Variants in TMEFF2 observed in about 807,000 individuals in gnomAD.
TMEFF2 encodes the protein tomoregulin-2.
TMEFF2 carries 28 observed loss-of-function variants against 53.8 expected under a neutral mutation model. The ratio of observed to expected loss-of-function variants is 0.52; its 90% CI spans 0.39 to 0.71. TMEFF2 has a LOEUF of 0.71. TMEFF2 is among the 30% of genes least tolerant of loss of function. The pLI, the probability that TMEFF2 is intolerant of heterozygous loss-of-function variation, is 0.00. For synonymous variants in TMEFF2, 162 were observed against 166.3 expected (o/e 0.97, Z 0.20); for missense variants, 353 against 455.2 (o/e 0.78, Z 2.04).
At chr2:192,168,337 C>T (rs183967937) in intron 4 of TMEFF2, among the ~76,000 whole-genome samples, 2 of 151,924 alleles carry the variant, frequency 1.3e-5, no homozygotes, top group African/African-American at 4.8e-5. Context: ...CTGCCACCCA[C>T]CCCCCACAAC....
rs11451195 is a variant in TMEFF2, at chr2:191,986,556, C to CTT, written c.745+11704_745+11705dup. Among the ~76,000 whole-genome samples the CTT allele has an allele frequency of 6.4e-3, 921 of 142,852 alleles. 5 individuals are homozygous for CTT. The highest frequency in any genetic ancestry group is 0.016 in the African/African-American group (638 of 38,898). The allele number at this position is 142,852 out of a possible 152,430, so 93.7% of individuals were successfully genotyped here. ...CACATTTCTATTTTGGGACAACTATCTTTTTTTTTTTTTTTAAGTGGGGCC... is the reference window on the plus strand; with the variant it reads ...CACATTTCTATTTTGGGACAACTATCTTTTTTTTTTTTTTTTTAAGTGGGGCC... On this transcript the variant is annotated intron_variant, in intron 7 of 9. Coordinates refer to ENST00000272771, the MANE Select transcript of TMEFF2 (RefSeq NM_016192.4).
At chr2:192,037,495 A>G (rs181169196) in intron 5 of TMEFF2, among the ~76,000 whole-genome samples, 26 of 151,978 alleles carry the variant, frequency 1.7e-4, no homozygotes, top group Admixed American at 1.4e-3. Flanking sequence ...CGATATGGAA[A>G]GACCCTTGGC....
At chr2:191,992,768 A>C (rs867766785) in intron 7 of TMEFF2, 1 of 152,112 alleles carries the variant, frequency 6.6e-6, no homozygotes, top group Non-Finnish European at 1.5e-5. Context: ...GAAGAAGGAA[A>C]AATTTAAAAG....
chr2:192,161,211 C>G (rs1216764236), intron 4 of TMEFF2, among the ~76,000 whole-genome samples: 1 of 152,074 alleles, frequency 6.6e-6, no homozygotes, highest in African/African-American at 2.4e-5. Context: ...CTCTGTCACC[C>G]AGGCTGGAGT....
At chr2:192,119,398 A>C (rs1029381903) in intron 4 of TMEFF2, among the ~76,000 whole-genome samples, 2 of 152,192 alleles carry the variant, frequency 1.3e-5, no homozygotes, top group Non-Finnish European at 2.9e-5. Flanking sequence ...ATGTTTTTCC[A>C]ACCAGATAGG....
intron 7 of TMEFF2, among the ~76,000 whole-genome samples, chr2:191,984,640 A>G (rs1685933184): frequency 6.6e-6 from 1 of 152,110 alleles, no homozygotes; most frequent in Admixed American, 6.6e-5. Context: ...ATCATCTTAG[A>G]CTAACATAGT....
chr2:192,122,191 C>A (rs1317089263), intron 4 of TMEFF2, among the ~76,000 whole-genome samples: 2 of 152,006 alleles, frequency 1.3e-5, no homozygotes, highest in African/African-American at 4.8e-5. Context: ...GTCAAAAAAA[C>A]TCAATGGAAA....
chr2:192,129,828 A>T (rs1689771100), intron 4 of TMEFF2, among the ~76,000 whole-genome samples: 1 of 152,222 alleles, frequency 6.6e-6, no homozygotes, highest in South Asian at 2.1e-4. Flanking sequence ...TACTTGTGGA[A>T]TTATTTGTCA....
intron 5 of TMEFF2, among the ~76,000 whole-genome samples, chr2:192,019,555 G>T (rs993977596): frequency 6.6e-6 from 1 of 151,824 alleles, no homozygotes; most frequent in South Asian, 2.1e-4. Flanking sequence ...AAATAGCTTT[G>T]AAAATTTGTT....
At chr2:192,187,323 T>C (rs575891323) in intron 2 of TMEFF2, among the ~76,000 whole-genome samples, 1 of 152,310 alleles carries the variant, frequency 6.6e-6, no homozygotes, top group Admixed American at 6.5e-5. Context: ...AGAAATATCT[T>C]GTAATACTCA....
At chr2:192,040,307 C>T (rs889782614) in intron 5 of TMEFF2, among the ~76,000 whole-genome samples, 1 of 152,078 alleles carries the variant, frequency 6.6e-6, no homozygotes, top group Non-Finnish European at 1.5e-5. Flanking sequence ...CTGCCTTTTA[C>T]ATTCTTCCTT....
chr2:192,102,597 C>T (rs1689055317), intron 4 of TMEFF2, among the ~76,000 whole-genome samples: 2 of 144,534 alleles, frequency 1.4e-5, no homozygotes, highest in South Asian at 2.2e-4. Context: ...TTAATATCAT[C>T]TTCTCAATAA....
intron 4 of TMEFF2, among the ~76,000 whole-genome samples, chr2:192,071,016 C>G (rs1458653207): frequency 2.7e-5 from 4 of 149,120 alleles, no homozygotes; most frequent in African/African-American, 9.9e-5. Context: ...AGTTGCAGAC[C>G]CTGAAGAGCA....
At chr2:192,088,731 G>C (rs1055727063) in intron 4 of TMEFF2, among the ~76,000 whole-genome samples, 1 of 151,922 alleles carries the variant, frequency 6.6e-6, no homozygotes, top group Admixed American at 6.6e-5. Flanking sequence ...TATTCCTTTT[G>C]CCTAAAATTG....
intron 4 of TMEFF2, among the ~76,000 whole-genome samples, chr2:192,158,231 T>G (rs1690551483): frequency 6.6e-6 from 1 of 152,108 alleles, no homozygotes; most frequent in Non-Finnish European, 1.5e-5. Flanking sequence ...ATCTATGGAA[T>G]GATGGTATTA....
At chr2:192,089,259 A>G (rs1688734656) in intron 4 of TMEFF2, among the ~76,000 whole-genome samples, 1 of 151,980 alleles carries the variant, frequency 6.6e-6, no homozygotes, top group African/African-American at 2.4e-5. Context: ...CTTTTTCCTC[A>G]ATCCCACCCA....
intron 7 of TMEFF2, among the ~76,000 whole-genome samples, chr2:191,976,340 C>T (rs961961923): frequency 2.6e-5 from 4 of 152,162 alleles, no homozygotes; most frequent in South Asian, 2.1e-4. Flanking sequence ...AAATAATCAG[C>T]ACTTAATAAA....
At chr2:192,121,747 A>G (rs533201399) in intron 4 of TMEFF2, among the ~76,000 whole-genome samples, 1 of 152,198 alleles carries the variant, frequency 6.6e-6, no homozygotes, top group South Asian at 2.1e-4. Context: ...TTTCTAGCAG[A>G]ACAGTAACAC....
chr2:192,077,931 G>A (rs999254319), intron 4 of TMEFF2, among the ~76,000 whole-genome samples: 5 of 151,908 alleles, frequency 3.3e-5, no homozygotes, highest in Non-Finnish European at 7.4e-5. Flanking sequence ...TGCCACCCCC[G>A]TGTGTGAATT....
Sources: gnomAD v4.1 joint callset for allele counts (sites outside exome capture counted in the v4.1 genomes callset) on GRCh38, gnomAD v4.1.1 for gene constraint, MANE v1.5 for transcripts, NCBI Gene and HGNC (gene_info 2026-07-23, HGNC 2026-07-21) for gene names.